The following ABCA1 variants were observed in gnomAD, a reference collection of about 807,000 sequenced individuals.
The protein encoded by ABCA1 is ATP binding cassette subfamily A member 1.
In ABCA1, 133 loss-of-function variants were observed where a neutral mutation model predicts 262.5. The observed-to-expected ratio is 0.51, with a 90% confidence interval of 0.44 to 0.59. The LOEUF (loss-of-function observed/expected upper bound fraction) is 0.59. ABCA1 is among the 20% of genes least tolerant of loss of function. The pLI is 0.00. For missense variants in ABCA1, 2,452 were observed against 2,777.5 expected (o/e 0.88, Z 2.63); for synonymous variants, 1,022 against 1,043.5 (o/e 0.98, Z 0.40).
intron 25 of ABCA1, among the ~76,000 whole-genome samples, chr9:104,815,656 T>C (rs1291329763): frequency 2.6e-5 from 4 of 152,122 alleles, no homozygotes; most frequent in Non-Finnish European, 5.9e-5. Flanking sequence ...AGACTATCCA[T>C]CCATAAACGT....
intron 8 of ABCA1, among the ~76,000 whole-genome samples, chr9:104,843,186 C>G (rs989317939): frequency 6.6e-6 from 1 of 152,138 alleles, no homozygotes; most frequent in African/African-American, 2.4e-5. Flanking sequence ...GTACACTGAC[C>G]TGTTTGTTTC....
chr9:104,798,498 T>G lies in ABCA1; in HGVS notation c.5044A>C (p.Ser1682Arg), dbSNP rs2118884664. ...ATGAACTGCAGGTGTTTTGCTTTGC[T>G]GACCCGCTCCTGGATCAGGAATACG... is the stretch of plus-strand genomic sequence containing the variant. ...FVVFLIQERV[S>R]KAKHLQFISG... is the part of the protein sequence containing the mutation. Residue 1682 changes from serine (S) to arginine (R), a missense_variant, in exon 37 of 50, where the codon AGC becomes CGC. Physicochemically the swap from Ser to Arg is moderately radical, Grantham distance 110. Transcript: ENST00000374736. 6.2e-7 allele frequency: 1 copy of G among 1,614,212 alleles called. No homozygotes were observed. The highest frequency in any genetic ancestry group is 8.5e-7 in the Non-Finnish European group (1 of 1,180,036).
intron 33 of ABCA1, 74 bp downstream of exon 33, chr9:104,803,210 G>T (rs1830488376): frequency 1.3e-6 from 2 of 1,526,076 alleles, no homozygotes. Flanking sequence ...AATCCCCAAG[G>T]CTTTCTTCAA....
chr9:104,888,999 T>G (rs867138646), intron 3 of ABCA1, 103 bp downstream of exon 3: 3 of 1,035,684 alleles, frequency 2.9e-6, no homozygotes, highest in Middle Eastern at 4.7e-4. Context: ...TGTGTGATGT[T>G]TCCCAAAGAC....
At chr9:104,793,068 T>C in intron 41 of ABCA1, 103 bp downstream of exon 41, 1 of 1,589,460 alleles carries the variant, frequency 6.3e-7, no homozygotes, top group Non-Finnish European at 8.6e-7. Flanking sequence ...TTATCACATA[T>C]TTTGAGTTCA....
intron 7 of ABCA1, among the ~76,000 whole-genome samples, chr9:104,850,210 C>G (rs533459555): frequency 7.0e-4 from 107 of 152,282 alleles, no homozygotes; most frequent in African/African-American, 2.2e-3. Context: ...CAACCTCCCC[C>G]TCCTGGGTTC....
chr9:104,804,541 C>T lies in ABCA1; in HGVS notation c.4559+85G>A, dbSNP rs1830604892. 3.9e-5 allele frequency: 42 copies of T among 1,083,786 alleles called. No individual in the cohort carries two copies. The South Asian group carries it at 4.9e-4, about 13-fold the overall frequency. 67.1% of individuals were successfully genotyped at this position (1,083,786 alleles called of 1,614,324 possible). The stretch of plus-strand genomic sequence containing the variant: ...ATCAGGCCATAATCTGGCATTTCCC[C>T]CACTGTTTCAGTCTGTTATTTGTAG... On this transcript the variant is annotated intron_variant, in intron 32 of 49. Transcript: ENST00000374736.
At chr9:104,834,130 C>G (rs4149300) in intron 11 of ABCA1, among the ~76,000 whole-genome samples, 29,846 of 149,354 alleles carry the variant, frequency 0.2, 4,661 homozygotes, top group African/African-American at 0.31. Flanking sequence ...ATTTCAATGG[C>G]AGCATAATGA....
intron 1 of ABCA1, 136 bp from the exon 2 acceptor site, chr9:104,903,907 T>TCATG: frequency 1.7e-6 from 1 of 599,742 alleles, no homozygotes; most frequent in South Asian, 2.0e-5. Context: ...TCTCAATGGA[T>TCATG]CATGAGTCAC....
At chr9:104,898,503 C>T (rs1840397060) in intron 2 of ABCA1, among the ~76,000 whole-genome samples, 1 of 151,738 alleles carries the variant, frequency 6.6e-6, no homozygotes. Context: ...GCCGAGATTG[C>T]TCCACTGCAC....
intron 2 of ABCA1, 115 bp downstream of exon 2, chr9:104,903,499 A>G (rs1302245379): frequency 9.1e-7 from 1 of 1,100,862 alleles, no homozygotes; most frequent in African/African-American, 1.6e-5. Context: ...GATTCCATCA[A>G]TCCCTGTGTG....
At chr9:104,848,887 G>A (rs2119064476) in intron 7 of ABCA1, among the ~76,000 whole-genome samples, 1 of 152,216 alleles carries the variant, frequency 6.6e-6, no homozygotes, top group Non-Finnish European at 1.5e-5. Flanking sequence ...ACCCAAGATG[G>A]TGCCAAACAC....
In ABCA1 at chr9:104,802,057, G is replaced by C; in HGVS notation, c.4695C>G (p.Ala1565=). The C allele has an allele frequency of 6.2e-7, 1 of 1,613,828 alleles. No individual in the cohort carries two copies. Among genetic ancestry groups the C allele is most frequent in the Non-Finnish European group, 8.5e-7 (1 of 1,179,816 alleles). Residue 1565 remains alanine, a synonymous_variant, in exon 34 of 50, where the codon GCC becomes GCG. Coordinates refer to ENST00000374736, the MANE Select transcript of ABCA1 (RefSeq NM_005502.4). ...CATCTTACGATAGATATTTTACCTT[G>C]GCCAGCTTTAGGTGTTTCTTCATTT... ...IKQMKKHLKL[A]KDSSADRFLN... is the part of the protein sequence containing the mutation.
At chr9:104,814,972 G>T (rs1391511355) in intron 25 of ABCA1, among the ~76,000 whole-genome samples, 3 of 151,968 alleles carry the variant, frequency 2.0e-5, no homozygotes, top group African/African-American at 7.3e-5. Flanking sequence ...TCCAGCTTGG[G>T]CAATAAGAGC....
chr9:104,868,546 TCACTATCC>T (rs1837296027), intron 5 of ABCA1, among the ~76,000 whole-genome samples: 1 of 152,094 alleles, frequency 6.6e-6, no homozygotes, highest in Non-Finnish European at 1.5e-5. Flanking sequence ...GAAGAGAAAG[TCACTATCC>T]AGCAGAAGGT....
intron 3 of ABCA1, among the ~76,000 whole-genome samples, chr9:104,887,722 C>CTTTTTTTTT (rs56828334): frequency 1.0e-4 from 10 of 98,848 alleles, no homozygotes; most frequent in African/African-American, 1.3e-4. Context: ...TCAGTTTATG[C>CTTTTTTTTT]TTTTTTTTTT....
intron 5 of ABCA1, among the ~76,000 whole-genome samples, chr9:104,878,850 T>C (rs763085358): frequency 2.0e-5 from 3 of 152,156 alleles, no homozygotes; most frequent in Non-Finnish European, 2.9e-5. Flanking sequence ...CACCTGTGTA[T>C]AGTCCAGCGA....
Position 104,784,319 on chromosome 9 carries a change from A to G in ABCA1, c.6782T>C (p.Val2261Ala), listed in dbSNP as rs1828717660. ...ACCCCGTATGAACAGGATTCTTCAT[A>G]CATAGCTTTCTTTCACTTTCTCATC... ...LQDEKVKESYV is the reference protein window; with the variant it reads ...LQDEKVKESYA The change falls in exon 50 of 50, where the codon GTA (valine) becomes GCA (alanine). Residue 2261 changes from valine to alanine, a missense_variant. Val to Ala is a moderately conservative substitution (Grantham distance 64). Coordinates refer to ENST00000374736, the MANE Select transcript of ABCA1 (RefSeq NM_005502.4). The G allele has an allele frequency of 1.2e-6, 2 of 1,614,008 alleles. No homozygotes were observed. Among genetic ancestry groups the G allele is most frequent in the African/African-American group, 1.3e-5 (1 of 74,932 alleles).
In ABCA1 at chr9:104,831,074, G is replaced by T. The variant is rs370942062; in HGVS notation, c.1743C>A (p.Asp581Glu). 1 of 1,611,830 alleles carries T rather than the reference G, an allele frequency of 6.2e-7. No individual in the cohort carries two copies. The highest frequency in any genetic ancestry group is 1.1e-5 in the South Asian group (1 of 90,994). The change falls in exon 14 of 50, where the codon GAC (aspartate) becomes GAA (glutamate). Residue 581 changes from aspartate (D) to glutamate (E), a missense_variant. This residue lies in a region of ABCA1 where 1,032 missense variants were observed against 1,089.7 expected (regional missense o/e 0.95). Transcript: ENST00000374736. ...DGYWDPGPRA[D>E]PFEDMRYVWG... The stretch of plus-strand genomic sequence containing the variant: ...AGACGTACCGCATGTCCTCAAAGGG[G>T]TCAGCTCGAGGACCAGGGTCCCAGT...
Sources: allele counts gnomAD v4.1 joint callset (sites outside exome capture counted in the v4.1 genomes callset), GRCh38; gene constraint gnomAD v4.1.1; regional missense constraint gnomAD v4.1.1; transcripts MANE v1.5; gene names NCBI Gene and HGNC (gene_info 2026-07-23, HGNC 2026-07-21).